Variants in PDLIM2 observed in about 807,000 individuals in gnomAD.
PDLIM2 encodes the protein PDZ and LIM domain protein 2.
Under a neutral mutation model 54.1 loss-of-function variants are expected in PDLIM2, and 51 were observed. The ratio of observed to expected loss-of-function variants is 0.94; its 90% CI spans 0.75 to 1.19. The LOEUF (loss-of-function observed/expected upper bound fraction) is 1.19. PDLIM2 is among the 50% of genes most tolerant of loss of function. The probability of loss-of-function intolerance (pLI) is 0.00; values close to 1 mark genes in which losing one functional copy is unlikely to be tolerated. For missense variants in PDLIM2, 912 were observed against 874.0 expected (o/e 1.04, Z -0.55); for synonymous variants, 398 against 385.6 (o/e 1.03, Z -0.38).
intron 1 of PDLIM2, chr8:22,579,679 G>A: frequency 1.0e-6 from 1 of 961,756 alleles, no homozygotes; most frequent in Non-Finnish European, 1.4e-6. Context: ...CGCAGCACTT[G>A]CGTCCCCAGG....
intron 9 of PDLIM2, 191 bp downstream of exon 8, chr8:22,591,859 AGCT>A: frequency 1.9e-6 from 1 of 520,912 alleles, no homozygotes; most frequent in South Asian, 2.8e-5. Flanking sequence ...AGCCTAGGCT[AGCT>A]GCTTCCGGCT....
At chr8:22,579,267 C>A (rs1367543271) in exon 1 of PDLIM2, 4 of 1,361,756 alleles carry the variant, frequency 2.9e-6, no homozygotes, top group Non-Finnish European at 3.8e-6. Flanking sequence ...CCCGCCCTCC[C>A]CGGCGCCGGG....
chr8:22,585,295 A>G, intron 5 of PDLIM2, 26 bp from the exon 5 acceptor site: 1 of 1,612,012 alleles, frequency 6.2e-7, no homozygotes, highest in Non-Finnish European at 8.5e-7. Context: ...TGGCCCTGGC[A>G]CACACTGTCC....
chr8:22,596,121 G>A (rs1298103895), downstream of PDLIM2: 1 of 152,332 alleles, frequency 6.6e-6, no homozygotes, highest in East Asian at 1.9e-4. Context: ...AAGGTTTTAA[G>A]CAGAGAAGTG....
rs144515682 is a variant in PDLIM2 at position 22,584,060 on chromosome 8, G to C, written c.996-761G>C. 7.1e-3 allele frequency among the ~76,000 whole-genome samples: 1,080 copies of C among 151,808 alleles called. 13 individuals carry two copies. The highest frequency in any genetic ancestry group is 0.025 in the African/African-American group (1,037 of 41,376). ...TCTGTCGCCCAGCCTGGAGTGCAGT[G>C]GTACAATTTTGGCTCACTGTAACCT... On this transcript the variant is annotated intron_variant, in intron 3 of 9. Transcript: ENST00000308354.
At chr8:22,594,787 G>C (rs1189676185), downstream of PDLIM2, 2 of 1,349,380 alleles carry the variant, frequency 1.5e-6, no homozygotes, top group South Asian at 1.5e-5. Context: ...GGGGGAAAAA[G>C]GGCAGGGTGG....
rs1364640094 is a variant in PDLIM2, at chr8:22,581,533, AG to A, written c.995+6del. On this transcript the variant is annotated splice_donor_region_variant and intron_variant, in intron 3 of 9. Coordinates refer to ENST00000308354, the Ensembl canonical transcript of PDLIM2. ...CCCCTGCGGCTGCAGCTGGACCGGT[AG>A]GGCCTCCCGCTCTGCAGAGCCTGTG... is the stretch of plus-strand genomic sequence containing the variant. 1.9e-6 allele frequency: 3 copies of A among 1,571,444 alleles called. No homozygotes were observed. The highest frequency in any genetic ancestry group is 2.6e-6 in the Non-Finnish European group (3 of 1,164,796).
At chr8:22,585,335 C>A (rs1381898094) in exon 6 of PDLIM2, 1 of 1,612,986 alleles carries the variant, frequency 6.2e-7, no homozygotes, top group South Asian at 1.1e-5. Context: ...CAGAGTCTGG[C>A]ATGTTCCCCG....
chr8:22,580,476 C>A, intron 1 of PDLIM2: 1 of 1,553,992 alleles, frequency 6.4e-7, no homozygotes. Context: ...CCCCAAAGCC[C>A]CTGAGTAGCT....
chr8:22,580,373 G>A (rs1378936369), intron 1 of PDLIM2, 102 bp from the exon 1 acceptor site: 11 of 1,108,414 alleles, frequency 9.9e-6, no homozygotes, highest in Non-Finnish European at 1.1e-5. Context: ...CTGGGCTGAA[G>A]ACTAAGGAAG....
chr8:22,594,455 T>C (rs920276687), downstream of PDLIM2: 6 of 1,607,920 alleles, frequency 3.7e-6, no homozygotes, highest in Admixed American at 1.7e-5. Flanking sequence ...ACATTTCCCA[T>C]GGAAGGGCCT....
exon 1 of PDLIM2, chr8:22,579,243 GCCTCTC>G (rs1420821030): frequency 5.1e-6 from 7 of 1,361,334 alleles, no homozygotes; most frequent in African/African-American, 1.5e-5. Flanking sequence ...GCCCACCTGC[GCCTCTC>G]CGCGCGGCCC....
rs1393713656 is a variant in PDLIM2, at chr8:22,580,605, A to AT, written c.752dup (p.Met251IlefsTer31). On this transcript the variant is annotated frameshift_variant, in exon 2 of 10. Transcript: ENST00000308354. LOFTEE classifies it high-confidence loss of function. ...CCTCCTGGTCCTCTCTTCCTCAGGT[A>AT]TGGCGTTGACGGTGGATGTGGCCGG... 2 of 1,613,800 alleles carry AT rather than the reference A, an allele frequency of 1.2e-6. No individual in the cohort carries two copies. Among genetic ancestry groups the AT allele is most frequent in the East Asian group, 4.5e-5 (2 of 44,888 alleles).
rs915868147 is a variant in PDLIM2 at position 22,593,724 on chromosome 8, C to T, written c.1632-9C>T. 77 of 1,570,234 alleles carry T rather than the reference C, an allele frequency of 4.9e-5. No homozygotes were observed. The highest frequency in any genetic ancestry group is 6.4e-5 in the Non-Finnish European group (74 of 1,158,144). ...TGGCTCTGAGCTAAAGCCTCTCCCT[C>T]CCCTTCAGGAACCAGGCTGTGCGCA... On this transcript the variant is annotated splice_polypyrimidine_tract_variant and intron_variant, in intron 9 of 9. Coordinates refer to ENST00000308354, the Ensembl canonical transcript of PDLIM2.
At chr8:22,586,482 A>AT (rs1800385282) in intron 6 of PDLIM2, among the ~76,000 whole-genome samples, 1 of 152,074 alleles carries the variant, frequency 6.6e-6, no homozygotes, top group Non-Finnish European at 1.5e-5. Flanking sequence ...TGTGAGGAGT[A>AT]TTGCTGGACG....
chr8:22,582,113 C>T (rs1800221020), intron 3 of PDLIM2, among the ~76,000 whole-genome samples: 1 of 152,174 alleles, frequency 6.6e-6, no homozygotes, highest in Non-Finnish European at 1.5e-5. Context: ...ATAGGGGGAA[C>T]AGGTGGCTCC....
At chr8:22,593,502 G>A (rs1225573325) in intron 9 of PDLIM2, 15 of 509,064 alleles carry the variant, frequency 2.9e-5, no homozygotes, top group Admixed American at 7.2e-5. Flanking sequence ...GCTTGAACCC[G>A]GAAGGTAGAG....
chr8:22,584,692 A>T, intron 3 of PDLIM2, 129 bp from the exon 3 acceptor site: 2 of 780,076 alleles, frequency 2.6e-6, no homozygotes, highest in East Asian at 2.6e-5. Flanking sequence ...AAAGTTGACA[A>T]CCGGATGTCC....
chr8:22,590,271 A>C (rs1800503766), intron 8 of PDLIM2: 1 of 158,754 alleles, frequency 6.3e-6, no homozygotes, highest in African/African-American at 2.4e-5. Context: ...CAGGCTGAGG[A>C]GTGCCCTAAC....
Sources: gnomAD v4.1 joint callset for allele counts (sites outside exome capture counted in the v4.1 genomes callset) on GRCh38, gnomAD v4.1.1 for gene constraint, MANE v1.5 for transcripts, NCBI Gene and HGNC (gene_info 2026-07-23, HGNC 2026-07-21) for gene names.